Variants in MECOM observed in about 807,000 individuals in gnomAD.
The protein encoded by MECOM is histone-lysine N-methyltransferase MECOM.
In MECOM, 13 loss-of-function variants were observed where a neutral mutation model predicts 116.3. The ratio of observed to expected loss-of-function variants is 0.11; its 90% CI spans 0.07 to 0.18. The LOEUF is 0.18. Among genes scored for constraint, MECOM ranks in the 10% least tolerant of loss-of-function variants. MECOM has a pLI of 1.00. For missense variants in MECOM, 1,299 were observed against 1,509.0 expected (o/e 0.86, Z 2.31); for synonymous variants, 528 against 535.2 (o/e 0.99, Z 0.19).
At position 169,238,716 on chromosome 3, in the gene MECOM, T is replaced by A. The variant is rs114105601; in HGVS notation, c.376-94884A>T. On this transcript the variant is annotated intron_variant, in intron 2 of 16. Transcript: ENST00000651503. ...CAGATAAACAAATCTGATTAGAAAG[T>A]CCACTTTCTCTTAAGATCTCTTATA... Among the ~76,000 whole-genome samples, 7 of 152,292 alleles carry A rather than the reference T, an allele frequency of 4.6e-5. No homozygotes were observed. The East Asian group carries it at 5.8e-4, about 13-fold the overall frequency.
intron 2 of MECOM, among the ~76,000 whole-genome samples, chr3:169,215,523 C>T (rs1751310586): frequency 6.6e-6 from 1 of 152,118 alleles, no homozygotes; most frequent in Non-Finnish European, 1.5e-5. Flanking sequence ...TTTGTGAAAA[C>T]AGGAGCCGGC....
intron 2 of MECOM, among the ~76,000 whole-genome samples, chr3:169,199,688 G>T (rs902998280): frequency 1.4e-4 from 22 of 151,920 alleles, no homozygotes; most frequent in African/African-American, 5.1e-4. Flanking sequence ...CCCATTTCTG[G>T]GTCTTATTGA....
chr3:169,627,647 G>A (rs1422865195), intron 1 of MECOM, among the ~76,000 whole-genome samples: 4 of 152,180 alleles, frequency 2.6e-5, no homozygotes. Context: ...TGGATTCTAA[G>A]GGCAGCATTT....
At chr3:169,330,706 A>G (rs2149772551) in intron 2 of MECOM, among the ~76,000 whole-genome samples, 1 of 152,016 alleles carries the variant, frequency 6.6e-6, no homozygotes, top group East Asian at 1.9e-4. Context: ...TTTCCTCTTG[A>G]TTTTGACCTT....
At chr3:169,595,263 A>G (rs1452999849) in intron 1 of MECOM, among the ~76,000 whole-genome samples, 1 of 152,188 alleles carries the variant, frequency 6.6e-6, no homozygotes, top group Non-Finnish European at 1.5e-5. Flanking sequence ...TGCACAAGGA[A>G]GTGAAGTATA....
chr3:169,130,312 C>T (rs1458426117), intron 4 of MECOM, among the ~76,000 whole-genome samples: 1 of 152,212 alleles, frequency 6.6e-6, no homozygotes, highest in Non-Finnish European at 1.5e-5. Flanking sequence ...CATCTAAGAA[C>T]TCCTTGCTGC....
chr3:169,617,724 A>G (rs1248408853), intron 1 of MECOM, among the ~76,000 whole-genome samples: 1 of 152,204 alleles, frequency 6.6e-6, no homozygotes, highest in Non-Finnish European at 1.5e-5. Context: ...GCCAGAATCT[A>G]GCAGCTAATG....
At chr3:169,088,569 A>G (rs1718609897) in intron 16 of MECOM, among the ~76,000 whole-genome samples, 1 of 152,212 alleles carries the variant, frequency 6.6e-6, no homozygotes, top group Admixed American at 6.5e-5. Flanking sequence ...ACTACACCTA[A>G]CAATTTACTA....
chr3:169,129,566 T>C (rs1734007645), intron 4 of MECOM, among the ~76,000 whole-genome samples: 1 of 151,942 alleles, frequency 6.6e-6, no homozygotes, highest in Non-Finnish European at 1.5e-5. Flanking sequence ...AGGGAAGTGT[T>C]CTAAAAAAAT....
chr3:169,260,570 A>G (rs1757415795), intron 2 of MECOM, among the ~76,000 whole-genome samples: 1 of 152,164 alleles, frequency 6.6e-6, no homozygotes, highest in African/African-American at 2.4e-5. Context: ...TTCACGCTAA[A>G]GTAGCCTTTA....
intron 2 of MECOM, among the ~76,000 whole-genome samples, chr3:169,184,040 A>G (rs1354288505): frequency 1.3e-5 from 2 of 151,396 alleles, no homozygotes; most frequent in African/African-American, 2.4e-5. Context: ...AATTTTTTGT[A>G]TTTTTAGTAG....
chr3:169,360,874 T>C (rs1466637006), intron 2 of MECOM, among the ~76,000 whole-genome samples: 2 of 151,738 alleles, frequency 1.3e-5, no homozygotes, highest in Admixed American at 6.6e-5. Context: ...CAGTCCATAC[T>C]GAAAAAGAGA....
intron 2 of MECOM, among the ~76,000 whole-genome samples, chr3:169,197,500 A>G (rs1156544318): frequency 6.6e-6 from 1 of 151,990 alleles, no homozygotes; most frequent in Non-Finnish European, 1.5e-5. Flanking sequence ...GATCTTAGCC[A>G]TATTTATGTG....
intron 2 of MECOM, among the ~76,000 whole-genome samples, chr3:169,267,392 G>A (rs577906959): frequency 1.3e-5 from 2 of 152,240 alleles, no homozygotes; most frequent in African/African-American, 4.8e-5. Flanking sequence ...ACATCTCATG[G>A]CCTCAGGTCT....
chr3:169,142,574 G>T (rs941598567), intron 3 of MECOM, among the ~76,000 whole-genome samples: 2 of 151,854 alleles, frequency 1.3e-5, no homozygotes, highest in African/African-American at 4.8e-5. Context: ...ATAGCAAGGA[G>T]AAAAAACAAT....
chr3:169,102,749 G>A (rs1187741487), intron 10 of MECOM, among the ~76,000 whole-genome samples: 1 of 152,042 alleles, frequency 6.6e-6, no homozygotes, highest in African/African-American at 2.4e-5. Context: ...AAAACTAAAT[G>A]TATAGGAGGG....
intron 16 of MECOM, among the ~76,000 whole-genome samples, chr3:169,088,326 T>A (rs964892802): frequency 9.9e-5 from 15 of 152,190 alleles, no homozygotes; most frequent in Non-Finnish European, 1.8e-4. Context: ...GCTCTTTTAA[T>A]TGCTATTTAT....
chr3:169,087,117 A>G (rs150539216), intron 16 of MECOM, among the ~76,000 whole-genome samples: 129 of 152,324 alleles, frequency 8.5e-4, no homozygotes, highest in African/African-American at 3.0e-3. Flanking sequence ...GTAACAGTCC[A>G]GCTGGGTTGG....
intron 1 of MECOM, among the ~76,000 whole-genome samples, chr3:169,648,328 T>C (rs1003611834): frequency 6.6e-5 from 10 of 152,196 alleles, no homozygotes; most frequent in African/African-American, 2.4e-4. Flanking sequence ...ATACAGACCA[T>C]GAGGCACTTT....
Sources: gnomAD v4.1 joint callset for allele counts (sites outside exome capture counted in the v4.1 genomes callset) on GRCh38, gnomAD v4.1.1 for gene constraint, MANE v1.5 for transcripts, NCBI Gene and HGNC (gene_info 2026-07-23, HGNC 2026-07-21) for gene names.